Variants in TNS3 observed in about 807,000 individuals in gnomAD.
TNS3 encodes the protein tensin-3.
A neutral mutation model predicts 140.9 loss-of-function variants in TNS3; 45 were observed. The ratio of observed to expected loss-of-function variants is 0.32; its 90% CI spans 0.25 to 0.41. The LOEUF is 0.41. TNS3 is among the 10% of genes least tolerant of loss of function. The pLI is 1.00. For missense variants in TNS3, 1,716 were observed against 1,906.7 expected (o/e 0.90, Z 1.86); for synonymous variants, 815 against 788.4 (o/e 1.03, Z -0.56).
At chr7:47,351,617 C>A (rs1464407295) in intron 17 of TNS3, among the ~76,000 whole-genome samples, 1 of 152,154 alleles carries the variant, frequency 6.6e-6, no homozygotes, top group Non-Finnish European at 1.5e-5. Context: ...GTGCCACATC[C>A]AAGCCCAGGA....
intron 3 of TNS3, among the ~76,000 whole-genome samples, chr7:47,488,743 G>T (rs556349781): frequency 6.6e-6 from 1 of 152,034 alleles, no homozygotes; most frequent in East Asian, 1.9e-4. Flanking sequence ...GGGTGGAGAC[G>T]TCAGGTCGAC....
At chr7:47,568,665 C>T (rs1359469545) in intron 1 of TNS3, among the ~76,000 whole-genome samples, 2 of 152,258 alleles carry the variant, frequency 1.3e-5, no homozygotes. Context: ...TGCATGGCAA[C>T]AAGCCTGAGG....
upstream of TNS3, chr7:47,582,575 C>T (rs1784562086): frequency 4.6e-6 from 2 of 432,380 alleles, no homozygotes; most frequent in Non-Finnish European, 9.3e-6. Flanking sequence ...TAAAGGAGCA[C>T]AGCCGCTCCG....
At chr7:47,284,211 A>C (rs1316766023) in intron 27 of TNS3, among the ~76,000 whole-genome samples, 1 of 152,144 alleles carries the variant, frequency 6.6e-6, no homozygotes, top group African/African-American at 2.4e-5. Context: ...AGCCCAAGGC[A>C]CCTTCTCTGG....
At chr7:47,465,238 T>C (rs760841112) in intron 4 of TNS3, among the ~76,000 whole-genome samples, 29 of 152,194 alleles carry the variant, frequency 1.9e-4, no homozygotes, top group Non-Finnish European at 4.0e-4. Context: ...ATAAGACACA[T>C]TGTAGCACTG....
At chr7:47,380,410 A>C (rs1791683260) in intron 16 of TNS3, among the ~76,000 whole-genome samples, 1 of 152,214 alleles carries the variant, frequency 6.6e-6, no homozygotes, top group South Asian at 2.1e-4. Context: ...CCGGCTGGCC[A>C]CAGAGGCGGC....
intron 3 of TNS3, among the ~76,000 whole-genome samples, chr7:47,492,000 C>A (rs570182741): frequency 6.6e-6 from 1 of 152,180 alleles, no homozygotes; most frequent in South Asian, 2.1e-4. Flanking sequence ...AATGAAGGAA[C>A]GCTTTTTGAT....
At chr7:47,519,727 C>T (rs1798900202) in intron 2 of TNS3, among the ~76,000 whole-genome samples, 1 of 151,728 alleles carries the variant, frequency 6.6e-6, no homozygotes, top group South Asian at 2.1e-4. Flanking sequence ...CCTGCCTGTC[C>T]ATGCTCACCC....
At chr7:47,348,604 A>G (rs1358868289) in intron 17 of TNS3, among the ~76,000 whole-genome samples, 1 of 152,262 alleles carries the variant, frequency 6.6e-6, no homozygotes, top group Non-Finnish European at 1.5e-5. Flanking sequence ...AGCATTGTAC[A>G]TTGTATACAT....
chr7:47,363,154 TCATCA>T (rs989108906), intron 17 of TNS3, among the ~76,000 whole-genome samples: 5 of 76,088 alleles, frequency 6.6e-5, no homozygotes, highest in African/African-American at 1.5e-4. Context: ...ACCATCATCA[TCATCA>T]GTCATCACCA....
chr7:47,517,451 G>A (rs1798817567), intron 2 of TNS3, among the ~76,000 whole-genome samples: 1 of 152,182 alleles, frequency 6.6e-6, no homozygotes, highest in Non-Finnish European at 1.5e-5. Flanking sequence ...CTCACCCGCA[G>A]GGACCTTCAC....
intron 1 of TNS3, among the ~76,000 whole-genome samples, chr7:47,562,782 T>A (rs940894496): frequency 6.6e-6 from 1 of 152,202 alleles, no homozygotes; most frequent in Non-Finnish European, 1.5e-5. Context: ...GTGGAATTCT[T>A]TTTGGTGGAA....
intron 17 of TNS3, among the ~76,000 whole-genome samples, chr7:47,350,314 C>G (rs1056715553): frequency 1.3e-5 from 2 of 152,252 alleles, no homozygotes; most frequent in African/African-American, 4.8e-5. Context: ...ACAAATTCTT[C>G]TGTCTCTCGT....
In TNS3 at chr7:47,400,922, A is replaced by G. The variant is rs1253084709; in HGVS notation, c.724-8T>C. 11 of 1,614,078 alleles carry G rather than the reference A, an allele frequency of 6.8e-6. No individual in the cohort carries two copies. The highest frequency in any genetic ancestry group is 7.6e-6 in the Non-Finnish European group (9 of 1,179,914). ...CTTGTGGTAGCATTTCACCTGGGTTAGAGAGACAAAACAAAACAAAGTAGC... is the reference window on the plus strand; with the variant it reads ...CTTGTGGTAGCATTTCACCTGGGTTGGAGAGACAAAACAAAACAAAGTAGC... On this transcript the variant is annotated splice_region_variant and splice_polypyrimidine_tract_variant and intron_variant, in intron 13 of 30. Transcript: ENST00000311160.
Position 47,318,369 on chromosome 7 carries a change from CG to C in TNS3, c.2651-13367del, listed in dbSNP as rs796560285. Among the ~76,000 whole-genome samples, 60 of 152,302 alleles carry C rather than the reference CG, an allele frequency of 3.9e-4. 1 individual carries two copies. The highest frequency in any genetic ancestry group is 1.4e-3 in the African/African-American group (58 of 41,576). ...CGATAGCTTTCACCCTTTGACTTTG[CG>C]AACAGTTACATTTTCTCCTCTCTTG... is the stretch of plus-strand genomic sequence containing the variant. On this transcript the variant is annotated intron_variant, in intron 20 of 30. Transcript: ENST00000311160.
At position 47,357,155 on chromosome 7, in the gene TNS3, T is replaced by C. The variant is rs566266883; in HGVS notation, c.2282-10799A>G. Reference sequence around the variant, plus strand: ...TGAAAACTCATGACATGCTAGAACATTACCTATTTTAAAACATGCCTTCTT... The same window carrying C: ...TGAAAACTCATGACATGCTAGAACACTACCTATTTTAAAACATGCCTTCTT... On this transcript the variant is annotated intron_variant, in intron 17 of 30. Coordinates refer to ENST00000311160, the MANE Select transcript of TNS3 (RefSeq NM_022748.12). Among the ~76,000 whole-genome samples the C allele has an allele frequency of 4.9e-4, 74 of 152,210 alleles. 2 individuals carry two copies. The South Asian group carries it at 6.4e-3, about 13-fold the overall frequency.
chr7:47,373,510 TC>T (rs1791201323), intron 16 of TNS3, among the ~76,000 whole-genome samples: 1 of 152,230 alleles, frequency 6.6e-6, no homozygotes, highest in Admixed American at 6.5e-5. Context: ...CCTGCCCTGT[TC>T]CTAGCAGTCC....
At chr7:47,433,206 C>T (rs982782531) in intron 8 of TNS3, among the ~76,000 whole-genome samples, 4 of 152,256 alleles carry the variant, frequency 2.6e-5, no homozygotes, top group East Asian at 1.9e-4. Flanking sequence ...TGGAAGGAAA[C>T]GCGCATTCTG....
At chr7:47,436,821 A>G (rs1383882849) in intron 7 of TNS3, among the ~76,000 whole-genome samples, 1 of 152,194 alleles carries the variant, frequency 6.6e-6, no homozygotes, top group Non-Finnish European at 1.5e-5. Context: ...TATGCAGTAT[A>G]TATGAAAGAT....
Sources: gnomAD v4.1 joint callset for allele counts (sites outside exome capture counted in the v4.1 genomes callset) on GRCh38, gnomAD v4.1.1 for gene constraint, MANE v1.5 for transcripts, NCBI Gene and HGNC (gene_info 2026-07-23, HGNC 2026-07-21) for gene names.